GLMN: variants seen among roughly 807,000 people sequenced by gnomAD.
GLMN encodes glomulin, FKBP associated protein.
GLMN carries 75 observed loss-of-function variants against 87.8 expected under a neutral mutation model. The observed-to-expected ratio is 0.85, with a 90% CI of 0.71 to 1.04. GLMN has a LOEUF of 1.04. Among genes scored for constraint, GLMN ranks in the 50% least tolerant of loss-of-function variants. The probability of loss-of-function intolerance (pLI) is 0.00; values close to 1 mark genes in which losing one functional copy is unlikely to be tolerated. For missense variants in GLMN, 588 were observed against 658.8 expected (o/e 0.89, Z 1.18); for synonymous variants, 206 against 221.6 (o/e 0.93, Z 0.63).
upstream of GLMN, chr1:92,300,165 T>G: frequency 6.5e-7 from 1 of 1,538,558 alleles, no homozygotes; most frequent in Non-Finnish European, 8.9e-7. Flanking sequence ...AATGTCATTA[T>G]GTAGCACATG....
At chr1:92,263,802 A>C (rs1392325757) in intron 14 of GLMN, 70 bp from the exon 15 acceptor site, 2 of 801,898 alleles carry the variant, frequency 2.5e-6, no homozygotes, top group Non-Finnish European at 4.6e-6. Flanking sequence ...TAATACCTTG[A>C]CACTACAAAA....
rs571491882 is a variant in GLMN, at chr1:92,270,879, T to C, written c.923+586A>G. ...CATTTAAACTAGAAACAAAAGAAGGTCTGTGTCACTGGAGCATAGTAAACA... is the reference window on the plus strand; with the variant it reads ...CATTTAAACTAGAAACAAAAGAAGGCCTGTGTCACTGGAGCATAGTAAACA... On this transcript the variant is annotated intron_variant, in intron 8 of 18. Transcript: ENST00000370360. Among the ~76,000 whole-genome samples the C allele has an allele frequency of 1.1e-3, 163 of 152,060 alleles. 1 individual carries two copies. Among genetic ancestry groups the C allele is most frequent in the South Asian group, 3.3e-3 (16 of 4,808 alleles).
the GLMN span, among the ~76,000 whole-genome samples, chr1:92,321,748 T>C: frequency 1.3e-5 from 2 of 152,134 alleles, no homozygotes; most frequent in African/African-American, 2.4e-5. Context: ...ATATCTTTTA[T>C]TGAAAAATGT....
chr1:92,250,109 A>T (rs190543590), intron 16 of GLMN, among the ~76,000 whole-genome samples: 176 of 152,194 alleles, frequency 1.2e-3, no homozygotes, highest in African/African-American at 4.0e-3. Flanking sequence ...TACCCACTAA[A>T]GCACATTTGA....
At chr1:92,277,483 C>T (rs981194491) in intron 7 of GLMN, among the ~76,000 whole-genome samples, 7 of 152,210 alleles carry the variant, frequency 4.6e-5, no homozygotes, top group Non-Finnish European at 1.5e-5. Context: ...TGGATAGCCT[C>T]AGGATGGGAG....
chr1:92,278,929 C>T (rs560885339), intron 7 of GLMN, among the ~76,000 whole-genome samples: 2 of 152,334 alleles, frequency 1.3e-5, no homozygotes, highest in African/African-American at 4.8e-5. Context: ...ACACCCCAGA[C>T]ATTGATACTA....
Position 92,247,883 on chromosome 1 carries a change from C to T in GLMN, c.1580G>A (p.Ser527Asn). The T allele has an allele frequency of 8.5e-7, 1 of 1,178,946 alleles. No individual in the cohort carries two copies. The allele number at this position is 1,178,946 out of a possible 1,614,324, so 73.0% of individuals were successfully genotyped here. A position where few individuals can be genotyped will look rare whatever the true frequency, so the allele number is the denominator to read the frequency against. The change falls in exon 17 of 19, where the codon AGC (serine) becomes AAC (asparagine). Residue 527 changes from serine to asparagine, a missense_variant. By Grantham distance (46) the Ser-to-Asn change is conservative. Transcript: ENST00000370360. ...CAAAATTGCACATTACCAACCTTGG[C>T]TATTTTTAATTTCTGCTTCATAATG... ...KAHYEAEIKN[S>N]QEAQKSKDLC...
the GLMN span, among the ~76,000 whole-genome samples, chr1:92,313,318 C>T: frequency 6.6e-6 from 1 of 152,164 alleles, no homozygotes; most frequent in Non-Finnish European, 1.5e-5. Flanking sequence ...TACTCCTTGA[C>T]CCATGGGCTG....
At chr1:92,321,568 G>A in the GLMN span, among the ~76,000 whole-genome samples, 1 of 151,900 alleles carries the variant, frequency 6.6e-6, no homozygotes, top group African/African-American at 2.4e-5. Flanking sequence ...CTGTGCTTTA[G>A]AGCATCCTTG....
chr1:92,267,371 A>C (rs1300305971), intron 11 of GLMN, among the ~76,000 whole-genome samples: 4 of 152,220 alleles, frequency 2.6e-5, no homozygotes, highest in Non-Finnish European at 5.9e-5. Flanking sequence ...GTGGCCTCTA[A>C]TAGCTATTCG....
chr1:92,326,496 C>G, the GLMN span, among the ~76,000 whole-genome samples: 1 of 152,090 alleles, frequency 6.6e-6, no homozygotes, highest in Non-Finnish European at 1.5e-5. Context: ...TAGGGAGGAT[C>G]AGGCTGTGGG....
Position 92,297,534 on chromosome 1 carries a change from C to CAAAAA in GLMN, c.40-10_40-6dup. ...GTCTTGCTCTTCTAGGATTTGCTGG[C>CAAAAA]AAAAAAAAAAAAAACCCAAAAAACA... is the stretch of plus-strand genomic sequence containing the variant. On this transcript the variant is annotated splice_polypyrimidine_tract_variant and splice_region_variant and intron_variant, in intron 2 of 18. Transcript: ENST00000370360. The CAAAAA allele has an allele frequency of 1.6e-6, 2 of 1,260,720 alleles. No homozygotes were observed. Among genetic ancestry groups the CAAAAA allele is most frequent in the Non-Finnish European group, 2.1e-6 (2 of 935,170 alleles). 78.1% of individuals were successfully genotyped at this position (1,260,720 alleles called of 1,614,324 possible).
intron 9 of GLMN, among the ~76,000 whole-genome samples, chr1:92,269,200 CTT>C (rs769947623): frequency 1.8e-4 from 24 of 131,996 alleles, no homozygotes; most frequent in Admixed American, 3.1e-4. Context: ...CCGTGCCTGG[CTT>C]TTTTTTTTTT....
the GLMN span, among the ~76,000 whole-genome samples, chr1:92,311,954 A>G: frequency 6.6e-6 from 1 of 152,166 alleles, no homozygotes; most frequent in Non-Finnish European, 1.5e-5. Context: ...ATGGCTGCTA[A>G]CTGATCAGGG....
chr1:92,336,446 A>G, the GLMN span: 2 of 1,478,100 alleles, frequency 1.4e-6, no homozygotes, highest in Non-Finnish European at 9.4e-7. Context: ...TTATATTACA[A>G]TTATCCTTCT....
chr1:92,275,684 C>A (rs147433512), intron 7 of GLMN, among the ~76,000 whole-genome samples: 213 of 152,336 alleles, frequency 1.4e-3, no homozygotes, highest in Non-Finnish European at 2.5e-3. Flanking sequence ...TTACACTGTT[C>A]TTGCTAAGAT....
chr1:92,304,672 T>C, the GLMN span, among the ~76,000 whole-genome samples: 5 of 152,220 alleles, frequency 3.3e-5, no homozygotes, highest in African/African-American at 7.2e-5. Context: ...ACACTTGATA[T>C]ATGACAGCGG....
intron 7 of GLMN, among the ~76,000 whole-genome samples, chr1:92,280,950 A>C (rs558571128): frequency 2.6e-5 from 4 of 152,380 alleles, no homozygotes; most frequent in Admixed American, 1.3e-4. Flanking sequence ...CAAAGCCTCC[A>C]AGAAATATGG....
chr1:92,330,439 A>ATTTTT, the GLMN span, among the ~76,000 whole-genome samples: 6 of 61,460 alleles, frequency 9.8e-5, no homozygotes, highest in African/African-American at 3.5e-4. Flanking sequence ...TGGGTTGTCA[A>ATTTTT]TTTTTTTTTT....
Sources: gnomAD v4.1 joint callset for allele counts (sites outside exome capture counted in the v4.1 genomes callset) on GRCh38, gnomAD v4.1.1 for gene constraint, MANE v1.5 for transcripts, NCBI Gene and HGNC (gene_info 2026-07-23, HGNC 2026-07-21) for gene names.